AMOTL1: variants seen among roughly 807,000 people sequenced by gnomAD.
AMOTL1 encodes angiomotin-like protein 1.
Under a neutral mutation model 102.9 loss-of-function variants are expected in AMOTL1, and 45 were observed. The observed-to-expected ratio is 0.44, with a 90% CI of 0.34 to 0.56. The LOEUF (loss-of-function observed/expected upper bound fraction) is 0.56. Among genes scored for constraint, AMOTL1 ranks in the 20% least tolerant of loss-of-function variants. The pLI, the probability that AMOTL1 is intolerant of heterozygous loss-of-function variation, is 0.01. For missense variants in AMOTL1, 1,114 were observed against 1,225.6 expected, an observed-to-expected ratio of 0.91 and a Z score of 1.36; for synonymous variants, 481 against 484.7, an observed-to-expected ratio of 0.99 and a Z score of 0.10.
At chr11:94,788,927 C>T (rs563203747) in intron 1 of AMOTL1, among the ~76,000 whole-genome samples, 2 of 152,154 alleles carry the variant, frequency 1.3e-5, no homozygotes, top group South Asian at 4.1e-4. Flanking sequence ...CTTGATTTCA[C>T]TTGTTTTCTG....
chr11:94,739,617 A>G (rs1254823991), intron 2 of AMOTL1, among the ~76,000 whole-genome samples: 2 of 152,170 alleles, frequency 1.3e-5, no homozygotes. Context: ...AGACAATAGA[A>G]GGCCCCCAGG....
Position 94,774,875 on chromosome 11 carries a change from G to T in AMOTL1, c.49+6315G>T, listed in dbSNP as rs1389113169. Among the ~76,000 whole-genome samples, 11 of 152,256 alleles carry T rather than the reference G, an allele frequency of 7.2e-5. No individual in the cohort carries two copies. The East Asian group carries it at 2.1e-3, about 29-fold the overall frequency. On this transcript the variant is annotated intron_variant, in intron 1 of 12. Transcript: ENST00000433060. ...AGTTTGAAACAGATCTATTTCTAAG[G>T]TTATTAGTTGATATAGCTATATTTC...
intron 4 of AMOTL1, among the ~76,000 whole-genome samples, chr11:94,828,872 A>T (rs1281008717): frequency 1.3e-5 from 2 of 152,098 alleles, no homozygotes; most frequent in African/African-American, 2.4e-5. Context: ...TTTCAACCCC[A>T]TCAGCTTTGC....
chr11:94,748,669 C>T (rs144711258), intron 3 of AMOTL1, among the ~76,000 whole-genome samples: 2,197 of 152,280 alleles, frequency 0.014, 26 homozygotes, highest in Non-Finnish European at 0.019. Flanking sequence ...TCTTCTTTTC[C>T]TAAACTTTAA....
At position 94,799,254 on chromosome 11, in the gene AMOTL1, A is replaced by G. The variant is rs1380829133; in HGVS notation, c.200-136A>G. 2.8e-5 allele frequency: 21 copies of G among 756,640 alleles called. No homozygotes were observed. The East Asian group carries it at 4.9e-4, about 18-fold the overall frequency. The allele number at this position is 756,640 out of a possible 1,614,324, so 46.9% of individuals were successfully genotyped here. A position where few individuals can be genotyped will look rare whatever the true frequency, so the allele number is the denominator to read the frequency against. On this transcript the variant is annotated intron_variant, in intron 2 of 12. Coordinates refer to ENST00000433060, the MANE Select transcript of AMOTL1 (RefSeq NM_130847.3). The surrounding 1 kb of genome is among the most constrained non-coding windows in gnomAD (Gnocchi z 4.5). ...AATTCCATGAGACATTGCCAGGTAA[A>G]TGGAGGTGATGATGCATTTGAAATC...
chr11:94,734,916 C>T (rs1434503863), intron 2 of AMOTL1, among the ~76,000 whole-genome samples: 2 of 152,176 alleles, frequency 1.3e-5, no homozygotes, highest in South Asian at 2.1e-4. Context: ...ACTGTCTTAA[C>T]TTGTTATTAT....
At chr11:94,803,458 CAT>C (rs1234699779) in intron 3 of AMOTL1, among the ~76,000 whole-genome samples, 2 of 152,150 alleles carry the variant, frequency 1.3e-5, no homozygotes, top group African/African-American at 4.8e-5. Flanking sequence ...CTGCAGGGAA[CAT>C]GTGTTGGCTA....
intron 1 of AMOTL1, among the ~76,000 whole-genome samples, chr11:94,710,165 G>C (rs932116406): frequency 2.6e-5 from 4 of 152,148 alleles, no homozygotes; most frequent in African/African-American, 9.7e-5. Context: ...CCTCCACATG[G>C]AATTTGTTAG....
At chr11:94,771,988 A>AT (rs932836815) in intron 1 of AMOTL1, among the ~76,000 whole-genome samples, 9 of 151,988 alleles carry the variant, frequency 5.9e-5, no homozygotes, top group African/African-American at 1.9e-4. Flanking sequence ...ATATACCTCT[A>AT]TTTTTTCATT....
chr11:94,778,062 G>A (rs796249864), intron 1 of AMOTL1, among the ~76,000 whole-genome samples: 10 of 152,264 alleles, frequency 6.6e-5, no homozygotes, highest in African/African-American at 2.2e-4. Context: ...AACTGGGTTC[G>A]TTCTGCTCTA....
chr11:94,831,519 A>G lies in AMOTL1; in HGVS notation c.1626A>G (p.Ala542=). 6.2e-7 allele frequency: 1 copy of G among 1,613,944 alleles called. No homozygotes were observed. Among genetic ancestry groups the G allele is most frequent in the Non-Finnish European group, 8.5e-7 (1 of 1,179,812 alleles). ...REYEGHEDKA[A]EGHYASQNKE... ...ACGAAGGGCATGAAGACAAAGCTGC[A>G]GAGGGGCATTATGCTTCCCAGAGTG... is the stretch of plus-strand genomic sequence containing the variant. The change falls in exon 6 of 13, where the codon GCA becomes GCG. Residue 542 remains alanine (A), a synonymous_variant. Coordinates refer to ENST00000433060, the MANE Select transcript of AMOTL1 (RefSeq NM_130847.3).
At chr11:94,717,122 T>C (rs1340593347) in intron 1 of AMOTL1, among the ~76,000 whole-genome samples, 1 of 151,866 alleles carries the variant, frequency 6.6e-6, no homozygotes, top group Non-Finnish European at 1.5e-5. Flanking sequence ...GAAATCACTA[T>C]GGTGTCTCAC....
chr11:94,761,701 T>G (rs1433044760), intron 3 of AMOTL1, among the ~76,000 whole-genome samples: 1 of 152,224 alleles, frequency 6.6e-6, no homozygotes, highest in Non-Finnish European at 1.5e-5. Context: ...TCCCTCACTT[T>G]GAGTTTATGC....
intron 6 of AMOTL1, among the ~76,000 whole-genome samples, chr11:94,832,274 G>A (rs1263525509): frequency 6.6e-6 from 1 of 152,208 alleles, no homozygotes; most frequent in Non-Finnish European, 1.5e-5. Context: ...ATAAGATTAT[G>A]AGTAAGTGCT....
intron 8 of AMOTL1, among the ~76,000 whole-genome samples, chr11:94,856,900 C>T (rs1952677834): frequency 6.6e-6 from 1 of 152,190 alleles, no homozygotes; most frequent in Non-Finnish European, 1.5e-5. Context: ...TATGCCGGGA[C>T]ACAGCTGAGC....
intron 1 of AMOTL1, among the ~76,000 whole-genome samples, chr11:94,774,832 T>G (rs868820375): frequency 1.3e-5 from 2 of 152,346 alleles, no homozygotes; most frequent in Middle Eastern, 3.4e-3. Context: ...ATGGAGTTTG[T>G]TCATCTATAA....
At chr11:94,817,992 C>A (rs930605965) in intron 3 of AMOTL1, among the ~76,000 whole-genome samples, 3 of 152,196 alleles carry the variant, frequency 2.0e-5, no homozygotes, top group African/African-American at 7.2e-5. Context: ...CTCCTGTGAG[C>A]AAAATCTGAA....
At chr11:94,733,941 G>A (rs975128659) in intron 2 of AMOTL1, among the ~76,000 whole-genome samples, 1 of 152,120 alleles carries the variant, frequency 6.6e-6, no homozygotes, top group South Asian at 2.1e-4. Context: ...ATGATATTGA[G>A]TGAAGATTCT....
At chr11:94,857,444 G>C (rs1477641994) in intron 8 of AMOTL1, among the ~76,000 whole-genome samples, 2 of 152,148 alleles carry the variant, frequency 1.3e-5, no homozygotes, top group Admixed American at 6.5e-5. Flanking sequence ...GGGACAATAG[G>C]ACTAGCAGAA....
Sources: allele counts gnomAD v4.1 joint callset (sites outside exome capture counted in the v4.1 genomes callset), GRCh38; gene constraint gnomAD v4.1.1; non-coding constraint Gnocchi (gnomAD v3.1); transcripts MANE v1.5; gene names NCBI Gene and HGNC (gene_info 2026-07-23, HGNC 2026-07-21).